The following RBFOX1 variants were observed in gnomAD, a reference collection of about 807,000 sequenced individuals.
The protein encoded by RBFOX1 is RNA binding fox-1 homolog 1.
RBFOX1 carries 8 observed loss-of-function variants against 57.7 expected under a neutral mutation model. The observed-to-expected ratio is 0.14, with a 90% CI of 0.08 to 0.25. The LOEUF (loss-of-function observed/expected upper bound fraction) is 0.25, where lower values mean the gene tolerates loss of function less well. Among genes scored for constraint, RBFOX1 ranks in the 10% least tolerant of loss-of-function variants. The pLI, the probability that RBFOX1 is intolerant of heterozygous loss-of-function variation, is 1.00. For synonymous variants in RBFOX1, 326 were observed against 222.4 expected (o/e 1.47, Z -4.15); for missense variants, 611 against 548.5 (o/e 1.11, Z -1.14).
At position 7,518,946 on chromosome 16, in the gene RBFOX1, C is replaced by G. The variant is rs919732525; in HGVS notation, c.270+557C>G. 2.4e-4 allele frequency among the ~76,000 whole-genome samples: 36 copies of G among 152,030 alleles called. 1 individual carries two copies. Among genetic ancestry groups the G allele is most frequent in the Non-Finnish European group, 1.5e-5 (1 of 68,006 alleles). ...ACTGAGGTGGGAGGATGGCTTGGGG[C>G]CAGGAGTTTGAGGCTGCAGTGAGCT... On this transcript the variant is annotated intron_variant, in intron 5 of 15. Transcript: ENST00000550418.
chr16:5,851,398 G>A (rs181081444), intron 3 of RBFOX1, among the ~76,000 whole-genome samples: 360 of 152,156 alleles, frequency 2.4e-3, no homozygotes, highest in Admixed American at 3.3e-3. Flanking sequence ...TCCCTAGACC[G>A]CCTCTCTCTG....
At chr16:6,534,705 T>G (rs2153822503) in intron 2 of RBFOX1, among the ~76,000 whole-genome samples, 2 of 152,258 alleles carry the variant, frequency 1.3e-5, no homozygotes, top group South Asian at 4.1e-4. Flanking sequence ...TTTTTTCTGC[T>G]GGGGGAGAAG....
chr16:5,593,968 C>G (rs150558889), intron 2 of RBFOX1, among the ~76,000 whole-genome samples: 1 of 152,100 alleles, frequency 6.6e-6, no homozygotes, highest in African/African-American at 2.4e-5. Context: ...CCGTAGGAAC[C>G]CGTGATACAC....
At chr16:5,815,682 A>C (rs2055608743) in intron 3 of RBFOX1, among the ~76,000 whole-genome samples, 1 of 152,190 alleles carries the variant, frequency 6.6e-6, no homozygotes, top group Non-Finnish European at 1.5e-5. Context: ...AGAGTGAGGT[A>C]ATAGGTTTCT....
intron 4 of RBFOX1, among the ~76,000 whole-genome samples, chr16:7,159,877 T>G (rs906133115): frequency 2.0e-5 from 3 of 152,232 alleles, no homozygotes; most frequent in Non-Finnish European, 4.4e-5. Flanking sequence ...TTGGCTTTGA[T>G]CATATATACT....
intron 14 of RBFOX1, among the ~76,000 whole-genome samples, chr16:7,688,713 C>G (rs770607818): frequency 1.3e-5 from 2 of 152,000 alleles, no homozygotes; most frequent in African/African-American, 2.4e-5. Flanking sequence ...GATGGTTGAT[C>G]TATAAAACCA....
At chr16:5,778,897 A>G (rs1229487931) in intron 3 of RBFOX1, among the ~76,000 whole-genome samples, 1 of 152,182 alleles carries the variant, frequency 6.6e-6, no homozygotes, top group African/African-American at 2.4e-5. Context: ...TGTAAAAGTA[A>G]AACGAAATAC....
intron 4 of RBFOX1, among the ~76,000 whole-genome samples, chr16:7,440,455 T>A (rs1273549481): frequency 6.6e-6 from 1 of 152,082 alleles, no homozygotes; most frequent in Non-Finnish European, 1.5e-5. Context: ...ACAACCCCAG[T>A]TAATGATGGG....
At position 5,663,371 on chromosome 16, in the gene RBFOX1, A is replaced by C. The variant is rs1237149448; in HGVS notation, c.318+64410A>C. ...AGGCACATGCCACCATGCCCAGCTA[A>C]TTTTTTTTTTTTTTTTAGAAATGGG... On this transcript the variant is annotated intron_variant, in intron 3 of 19. Coordinates refer to the RBFOX1 transcript ENST00000641259. Among the ~76,000 whole-genome samples, 17 of 142,276 alleles carry C rather than the reference A, an allele frequency of 1.2e-4. No individual in the cohort carries two copies. The South Asian group carries it at 3.4e-3, about 29-fold the overall frequency. The allele number at this position is 142,276 out of a possible 152,430, so 93.3% of individuals were successfully genotyped here.
intron 4 of RBFOX1, chr16:7,304,202 CAGAGAGAGAGACAGAGAGAGAG>C: frequency 1.1e-6 from 1 of 936,506 alleles, no homozygotes; most frequent in Non-Finnish European, 1.2e-6. Context: ...GGGAGAGAGA[CAGAGAGAGAGACAGAGAGAGAG>C]AGAGAGAGAG....
intron 4 of RBFOX1, among the ~76,000 whole-genome samples, chr16:7,102,596 G>A (rs982325167): frequency 3.3e-5 from 5 of 152,106 alleles, no homozygotes; most frequent in African/African-American, 9.7e-5. Context: ...GGCAGTGATC[G>A]ATTGATTGGG....
At chr16:6,105,825 G>C (rs1301123964) in intron 1 of RBFOX1, among the ~76,000 whole-genome samples, 1 of 152,054 alleles carries the variant, frequency 6.6e-6, no homozygotes, top group Non-Finnish European at 1.5e-5. Context: ...GGCTTAAGCT[G>C]TATATGTTCC....
intron 1 of RBFOX1, among the ~76,000 whole-genome samples, chr16:6,171,413 G>T (rs111501513): frequency 5.9e-5 from 9 of 152,252 alleles, no homozygotes; most frequent in African/African-American, 1.9e-4. Context: ...TTTAGAGAAT[G>T]CCTCAAAGGT....
At chr16:7,380,619 A>G (rs577954920) in intron 4 of RBFOX1, among the ~76,000 whole-genome samples, 2 of 152,240 alleles carry the variant, frequency 1.3e-5, no homozygotes, top group Non-Finnish European at 2.9e-5. Context: ...TCTGCTTTCA[A>G]TTCAGACGCT....
chr16:7,109,050 C>G (rs147194841), intron 4 of RBFOX1, among the ~76,000 whole-genome samples: 121 of 152,214 alleles, frequency 7.9e-4, no homozygotes, highest in African/African-American at 2.7e-3. Context: ...AAATACAAGA[C>G]ACTGCTAACT....
chr16:6,167,182 G>A (rs1264677344), intron 1 of RBFOX1, among the ~76,000 whole-genome samples: 1 of 152,240 alleles, frequency 6.6e-6, no homozygotes, highest in Non-Finnish European at 1.5e-5. Flanking sequence ...GATGGGAAGA[G>A]CCGAAACACG....
intron 1 of RBFOX1, among the ~76,000 whole-genome samples, chr16:5,433,449 T>A (rs1270991104): frequency 6.6e-6 from 1 of 152,160 alleles, no homozygotes; most frequent in East Asian, 1.9e-4. Flanking sequence ...GTGGCAAGAT[T>A]CCAACCCTAG....
chr16:7,086,721 T>TACACACACACACACACAC (rs71280731), intron 4 of RBFOX1, among the ~76,000 whole-genome samples: 1,611 of 149,558 alleles, frequency 0.011, 39 homozygotes, highest in African/African-American at 0.037. Context: ...GAAGAATGTA[T>TACACACACACACACACAC]ACACACACAC....
intron 4 of RBFOX1, among the ~76,000 whole-genome samples, chr16:7,367,388 C>T (rs373118323): frequency 1.3e-5 from 2 of 152,306 alleles, no homozygotes; most frequent in East Asian, 3.9e-4. Context: ...GCTAGTCTTC[C>T]TCTGGTCCCT....
Sources: allele counts gnomAD v4.1 joint callset (sites outside exome capture counted in the v4.1 genomes callset), GRCh38; gene constraint gnomAD v4.1.1; transcripts MANE v1.5; gene names NCBI Gene and HGNC (gene_info 2026-07-23, HGNC 2026-07-21).